Variants in NOS1 observed in about 807,000 individuals in gnomAD.
NOS1 encodes nitric oxide synthase 1.
NOS1 carries 51 observed loss-of-function variants against 164.5 expected under a neutral mutation model. The ratio of observed to expected loss-of-function variants is 0.31; its 90% CI spans 0.25 to 0.39. The LOEUF (loss-of-function observed/expected upper bound fraction) is 0.39. Ranked by LOEUF, NOS1 falls within the 10% of genes least tolerant of loss-of-function variation. NOS1 has a pLI of 1.00. For missense variants in NOS1, 1,362 were observed against 1,885.6 expected (o/e 0.72, Z 5.14); for synonymous variants, 719 against 745.8 (o/e 0.96, Z 0.59).
chr12:117,349,896 A>AT (rs9658260), intron 1 of NOS1, among the ~76,000 whole-genome samples: 3 of 151,680 alleles, frequency 2.0e-5, no homozygotes, highest in Middle Eastern at 3.4e-3. Flanking sequence ...TTAATTTTTT[A>AT]TTTTTTTTGT....
chr12:117,264,693 A>C (rs1212345663), intron 12 of NOS1, among the ~76,000 whole-genome samples: 153 of 68,174 alleles, frequency 2.2e-3, no homozygotes, highest in African/African-American at 3.1e-3. Flanking sequence ...CATCCTCCCC[A>C]TCTCCCCCTC....
At chr12:117,312,961 T>A (rs1422687603) in intron 2 of NOS1, among the ~76,000 whole-genome samples, 1 of 152,088 alleles carries the variant, frequency 6.6e-6, no homozygotes, top group African/African-American at 2.4e-5. Context: ...ACCATCATGA[T>A]TATTGTAATC....
At chr12:117,306,193 T>C (rs1005697151) in intron 3 of NOS1, among the ~76,000 whole-genome samples, 2 of 152,130 alleles carry the variant, frequency 1.3e-5, no homozygotes, top group African/African-American at 4.8e-5. Context: ...CTATCAGTCA[T>C]GCTCCCAGGA....
intron 1 of NOS1, among the ~76,000 whole-genome samples, chr12:117,343,890 C>T (rs1876225480): frequency 6.6e-6 from 1 of 152,138 alleles, no homozygotes; most frequent in Non-Finnish European, 1.5e-5. Context: ...TCGAAAGTTG[C>T]CTTTACATAG....
intron 2 of NOS1, among the ~76,000 whole-genome samples, chr12:117,323,453 G>A (rs138064745): frequency 2.0e-3 from 307 of 152,352 alleles, no homozygotes; most frequent in African/African-American, 7.0e-3. Context: ...CCAAGAGTAC[G>A]AATTTGGGGT....
rs559927492 is a variant in NOS1, at chr12:117,231,457, C to T, written c.3405+505G>A. Among the ~76,000 whole-genome samples the T allele has an allele frequency of 3.9e-4, 59 of 152,096 alleles. No individual in the cohort carries two copies. In the South Asian group the frequency reaches 0.012, roughly 32 times the overall value. On this transcript the variant is annotated intron_variant, in intron 22 of 28. Transcript: ENST00000317775. ...TCCCAACACAAAGAAATGATGAATG[C>T]TTGAGGGGATGAATACCCCATTTGC... is the stretch of plus-strand genomic sequence containing the variant.
In NOS1 at chr12:117,263,990, G is replaced by A. The variant is rs749392059; in HGVS notation, c.2137-16C>T. 6.2e-7 allele frequency: 1 copy of A among 1,609,084 alleles called. No individual in the cohort carries two copies. The highest frequency in any genetic ancestry group is 1.3e-5 in the African/African-American group (1 of 74,764). On this transcript the variant is annotated splice_polypyrimidine_tract_variant and intron_variant, in intron 12 of 28. Transcript: ENST00000317775. ...AGGGATCAGGCTGGGAAGAGAAGGA[G>A]AGGGCTATGGTCACTCACTGCAGTG...
intron 25 of NOS1, among the ~76,000 whole-genome samples, chr12:117,224,386 C>T (rs561709370): frequency 1.2e-4 from 19 of 152,208 alleles, no homozygotes; most frequent in Non-Finnish European, 1.8e-4. Flanking sequence ...CCCGGGTTCA[C>T]GCCATTCTCT....
Position 117,234,573 on chromosome 12 carries a change from G to A in NOS1, c.3227C>T (p.Thr1076Met), listed in dbSNP as rs770948047. The stretch of plus-strand genomic sequence containing the variant: ...GTCCCCGGGAATGTTACCTAAAGCC[G>A]TGTTCCGCTCCTCCAGCAGTTCCAC... ...VKVELLEERN[T>M]ALGVISNWTD... Residue 1076 changes from threonine (T) to methionine (M), a missense_variant, in exon 21 of 29, where the codon ACG (threonine) becomes ATG (methionine). Thr to Met is a moderately conservative substitution (Grantham distance 81, BLOSUM62 -1). Around this residue, in one of 4 missense-constraint regions of NOS1, gnomAD observed 737 missense variants for 1,030.3 expected, o/e 0.72. Transcript: ENST00000317775. This position sits in a 1 kb window ranked among gnomAD's most constrained non-coding sequence, Gnocchi z 4.3. The A allele has an allele frequency of 1.1e-5, 18 of 1,613,482 alleles. No individual in the cohort carries two copies. The highest frequency in any genetic ancestry group is 3.3e-5 in the South Asian group (3 of 91,010).
At position 117,225,074 on chromosome 12, in the gene NOS1, G is replaced by C; in HGVS notation, c.3768C>G (p.Thr1256=). 2 of 1,614,204 alleles carry C rather than the reference G, an allele frequency of 1.2e-6. No individual in the cohort carries two copies. Among genetic ancestry groups the C allele is most frequent in the African/African-American group, 2.7e-5 (2 of 75,052 alleles). ...AGAAGCTTCGGAAAGGGGCAATGCC[G>C]GTGCCTGGTCCAACGAGGATGCAGG... The part of the protein sequence containing the change: ...QVPCILVGPG[T]GIAPFRSFWQ... Residue 1256 remains threonine, a synonymous_variant, in exon 25 of 29, where the codon ACC becomes ACG. Coordinates refer to ENST00000317775, the MANE Select transcript of NOS1 (RefSeq NM_000620.5).
At chr12:117,322,184 CT>C in intron 2 of NOS1, among the ~76,000 whole-genome samples, 1 of 119,992 alleles carries the variant, frequency 8.3e-6, no homozygotes, top group Admixed American at 8.5e-5. Flanking sequence ...CCTTCCTTCT[CT>C]CCTTTCTTCC....
intron 7 of NOS1, among the ~76,000 whole-genome samples, chr12:117,282,878 C>T (rs961312432): frequency 1.3e-5 from 2 of 151,998 alleles, no homozygotes; most frequent in African/African-American, 4.8e-5. Context: ...GGGTGTGATG[C>T]CTACTCTATG....
intron 24 of NOS1, among the ~76,000 whole-genome samples, chr12:117,225,765 A>C (rs547592251): frequency 6.6e-6 from 1 of 152,228 alleles, no homozygotes; most frequent in South Asian, 2.1e-4. Context: ...AGCTGGGATT[A>C]CAGGCACCCG....
intron 28 of NOS1, among the ~76,000 whole-genome samples, chr12:117,215,869 CTTTTTTTTTTT>C (rs34665031): frequency 7.8e-4 from 67 of 85,430 alleles, no homozygotes; most frequent in South Asian, 3.4e-3. Context: ...TTTAAAAGGA[CTTTTTTTTTTT>C]TTTTTTTTTT....
At chr12:117,269,821 A>G (rs948189250) in intron 10 of NOS1, among the ~76,000 whole-genome samples, 1 of 152,164 alleles carries the variant, frequency 6.6e-6, no homozygotes, top group South Asian at 2.1e-4. Flanking sequence ...GCTTTCTAGC[A>G]GGAAAAGCTC....
rs566527404 is a variant in NOS1, at chr12:117,210,689, G to A, written c.*4620C>T. ...ACCTCTCACTTGTTTTGAGCTTAGG[G>A]CAAGACCTGACCTCTTTCAAAGTCC... is the stretch of plus-strand genomic sequence containing the variant. On this transcript the variant is annotated 3_prime_UTR_variant, in exon 29 of 29. Transcript: ENST00000317775. 2.6e-3 allele frequency: 2,603 copies of A among 985,290 alleles called. 2 individuals are homozygous for A. Among genetic ancestry groups the A allele is most frequent in the Non-Finnish European group, 3.0e-3 (2,504 of 829,958 alleles). 61.0% of individuals were successfully genotyped at this position (985,290 alleles called of 1,614,324 possible).
In NOS1 at chr12:117,208,192, CT is replaced by C; in HGVS notation, c.*7116del. On this transcript the variant is annotated 3_prime_UTR_variant, in exon 29 of 29. Coordinates refer to ENST00000317775, the MANE Select transcript of NOS1 (RefSeq NM_000620.5). ...CCATAATGCAAACAAGCATAATAGG[CT>C]TTTGTTGAATCCCATAAAATTGGAA... 1 of 1,031,556 alleles carries C rather than the reference CT, an allele frequency of 9.7e-7. No homozygotes were observed. The highest frequency in any genetic ancestry group is 1.5e-5 in the South Asian group (1 of 64,726). 63.9% of individuals were successfully genotyped at this position (1,031,556 alleles called of 1,614,324 possible).
At chr12:117,271,737 A>G (rs1008950247) in intron 10 of NOS1, among the ~76,000 whole-genome samples, 2 of 152,186 alleles carry the variant, frequency 1.3e-5, no homozygotes, top group African/African-American at 2.4e-5. Context: ...TGTTAGAGAC[A>G]TTTGCTGACA....
chr12:117,228,172 A>G (rs1178818037), intron 22 of NOS1, among the ~76,000 whole-genome samples: 1 of 152,178 alleles, frequency 6.6e-6, no homozygotes, highest in Admixed American at 6.5e-5. Context: ...CTTGAATCGC[A>G]ATTATTCTGT....
Sources: allele counts gnomAD v4.1 joint callset (sites outside exome capture counted in the v4.1 genomes callset), GRCh38; gene constraint gnomAD v4.1.1; regional missense constraint gnomAD v4.1.1; non-coding constraint Gnocchi (gnomAD v3.1); transcripts MANE v1.5; gene names NCBI Gene and HGNC (gene_info 2026-07-23, HGNC 2026-07-21).